KIAA0825: variants seen among roughly 807,000 people sequenced by gnomAD.
KIAA0825 encodes the protein KIAA0825.
A neutral mutation model predicts 147.6 loss-of-function variants in KIAA0825; 119 were observed. The ratio of observed to expected loss-of-function variants is 0.81; its 90% confidence interval spans 0.69 to 0.94. The LOEUF (loss-of-function observed/expected upper bound fraction) is 0.94. Ranked by LOEUF, KIAA0825 falls within the 40% of genes least tolerant of loss-of-function variation. The pLI is 0.00. For synonymous variants in KIAA0825, 470 were observed against 518.1 expected (o/e 0.91, Z 1.26); for missense variants, 1,381 against 1,472.7 (o/e 0.94, Z 1.02).
intron 8 of KIAA0825, among the ~76,000 whole-genome samples, chr5:94,473,077 C>T (rs1761419727): frequency 6.6e-6 from 1 of 152,096 alleles, no homozygotes; most frequent in South Asian, 2.1e-4. Context: ...TTTTGGTTGC[C>T]TCAGATTCAT....
intron 13 of KIAA0825, among the ~76,000 whole-genome samples, chr5:94,452,193 A>G (rs1226815893): frequency 6.6e-6 from 1 of 152,194 alleles, no homozygotes; most frequent in African/African-American, 2.4e-5. Context: ...CACATTAGGC[A>G]AACAGTGTAA....
At chr5:94,613,148 ATATGGGATG>A (rs1167158363) in intron 1 of KIAA0825, among the ~76,000 whole-genome samples, 1 of 152,134 alleles carries the variant, frequency 6.6e-6, no homozygotes, top group Non-Finnish European at 1.5e-5. Context: ...AAAACTTTTT[ATATGGGATG>A]TATGTATTTC....
chr5:94,343,944 A>G (rs1180775911), intron 20 of KIAA0825, among the ~76,000 whole-genome samples: 1 of 152,206 alleles, frequency 6.6e-6, no homozygotes, highest in Non-Finnish European at 1.5e-5. Flanking sequence ...TAATTATTAG[A>G]ATGGTGAAAA....
chr5:94,214,679 T>C (rs1220214955), intron 20 of KIAA0825, among the ~76,000 whole-genome samples: 1 of 152,222 alleles, frequency 6.6e-6, no homozygotes. Flanking sequence ...CCTAGTGGCT[T>C]AAGAAATTAT....
intron 20 of KIAA0825, among the ~76,000 whole-genome samples, chr5:94,320,333 A>C (rs967369564): frequency 6.6e-6 from 1 of 151,940 alleles, no homozygotes; most frequent in Non-Finnish European, 1.5e-5. Flanking sequence ...ATGTGTTAGG[A>C]ACATTTCAAG....
chr5:94,524,935 T>C (rs947310196), intron 3 of KIAA0825, among the ~76,000 whole-genome samples: 26 of 151,864 alleles, frequency 1.7e-4, no homozygotes, highest in African/African-American at 5.6e-4. Context: ...GTTATTTTAA[T>C]TTCCATACAC....
At chr5:94,518,672 T>C (rs1348600392) in intron 5 of KIAA0825, among the ~76,000 whole-genome samples, 1 of 152,118 alleles carries the variant, frequency 6.6e-6, no homozygotes, top group African/African-American at 2.4e-5. Flanking sequence ...GTTTGGCATA[T>C]GGACAGTGCT....
At chr5:94,225,084 C>G (rs1774041179) in intron 20 of KIAA0825, among the ~76,000 whole-genome samples, 1 of 152,160 alleles carries the variant, frequency 6.6e-6, no homozygotes, top group Non-Finnish European at 1.5e-5. Flanking sequence ...TGAATCTGCT[C>G]TGCATAGCCA....
At chr5:94,565,612 G>A (rs914556052) in intron 2 of KIAA0825, among the ~76,000 whole-genome samples, 2 of 152,074 alleles carry the variant, frequency 1.3e-5, no homozygotes, top group Admixed American at 1.3e-4. Flanking sequence ...AAACTGCTGG[G>A]ATTACATGCC....
At chr5:94,503,073 A>T (rs186913938) in intron 5 of KIAA0825, among the ~76,000 whole-genome samples, 2,894 of 147,236 alleles carry the variant, frequency 0.02, 38 homozygotes, top group Non-Finnish European at 0.022. Flanking sequence ...CTCAAAAAAA[A>T]ATATATATAT....
intron 2 of KIAA0825, among the ~76,000 whole-genome samples, chr5:94,541,375 C>G (rs531164284): frequency 6.6e-6 from 1 of 152,114 alleles, no homozygotes; most frequent in African/African-American, 2.4e-5. Context: ...ACAGTCTACA[C>G]GCAAGGCCTG....
rs1422864571 is a variant in KIAA0825, at chr5:94,284,832, T to G, written c.3710+99536A>C. Among the ~76,000 whole-genome samples the G allele has an allele frequency of 2.6e-5, 4 of 152,148 alleles. No individual in the cohort carries two copies. In the East Asian group the frequency reaches 7.7e-4, roughly 29 times the overall value. On this transcript the variant is annotated intron_variant, in intron 20 of 20. Coordinates refer to ENST00000682413, the MANE Select transcript of KIAA0825 (RefSeq NM_001145678.3). ...TCATCTTTCCACCTGTGCCGTACCC[T>G]CTGCCACAGATCTCACTTAGATATG...
chr5:94,467,833 G>A (rs1219952196), intron 10 of KIAA0825, among the ~76,000 whole-genome samples: 1 of 152,132 alleles, frequency 6.6e-6, no homozygotes, highest in Non-Finnish European at 1.5e-5. Flanking sequence ...TACTAGTCCT[G>A]TTTCACAAAG....
chr5:94,391,614 G>C lies in KIAA0825; in HGVS notation c.3377C>G (p.Thr1126Arg). Residue 1126 changes from threonine to arginine, a missense_variant, in exon 18 of 21, where the codon ACG becomes AGG. By Grantham distance (71) the Thr-to-Arg change is moderately conservative. Coordinates refer to ENST00000682413, the MANE Select transcript of KIAA0825 (RefSeq NM_001145678.3). ...ALELTEQKIN[T>R]MVLDLCHKPG... Reference sequence around the variant, plus strand: ...TTTGTGGCAGAGATCCAGGACCATCGTGTTTATTTTCTGCTCAGTCAGTTC... The same window carrying C: ...TTTGTGGCAGAGATCCAGGACCATCCTGTTTATTTTCTGCTCAGTCAGTTC... The C allele has an allele frequency of 6.4e-7, 1 of 1,551,486 alleles. No homozygotes were observed. The highest frequency in any genetic ancestry group is 8.7e-7 in the Non-Finnish European group (1 of 1,146,866).
At chr5:94,411,634 A>G (rs1752780444) in intron 15 of KIAA0825, among the ~76,000 whole-genome samples, 1 of 152,206 alleles carries the variant, frequency 6.6e-6, no homozygotes, top group Non-Finnish European at 1.5e-5. Flanking sequence ...CTTAGGACAC[A>G]AAAAGCACTA....
chr5:94,570,890 G>A (rs958635498), intron 2 of KIAA0825, among the ~76,000 whole-genome samples: 6 of 152,010 alleles, frequency 3.9e-5, no homozygotes, highest in African/African-American at 4.8e-5. Context: ...CATGTATATC[G>A]TGCATTACTG....
chr5:94,444,814 A>G (rs8180514), intron 13 of KIAA0825, among the ~76,000 whole-genome samples: 18,058 of 152,100 alleles, frequency 0.12, 1,217 homozygotes, highest in East Asian at 0.23. Flanking sequence ...GAATAAGCAG[A>G]TCTCAGTGGT....
intron 20 of KIAA0825, among the ~76,000 whole-genome samples, chr5:94,202,684 C>T (rs1342874565): frequency 1.3e-5 from 2 of 152,200 alleles, no homozygotes; most frequent in Non-Finnish European, 2.9e-5. Flanking sequence ...CCCAGTGACC[C>T]AGGCCAATCT....
intron 12 of KIAA0825, among the ~76,000 whole-genome samples, chr5:94,457,952 T>C (rs770844700): frequency 6.6e-6 from 1 of 152,092 alleles, no homozygotes; most frequent in African/African-American, 2.4e-5. Flanking sequence ...CCTGGGCCAT[T>C]GGAGGTGTTC....
Sources: allele counts gnomAD v4.1 joint callset (sites outside exome capture counted in the v4.1 genomes callset), GRCh38; gene constraint gnomAD v4.1.1; transcripts MANE v1.5; gene names NCBI Gene and HGNC (gene_info 2026-07-23, HGNC 2026-07-21).